The following SPATA6 variants were observed in gnomAD, a reference collection of about 807,000 sequenced individuals.
The protein encoded by SPATA6 is spermatogenesis associated 6.
Under a neutral mutation model 65.3 loss-of-function variants are expected in SPATA6, and 56 were observed. The ratio of observed to expected loss-of-function variants is 0.86; its 90% CI spans 0.69 to 1.07. The LOEUF (loss-of-function observed/expected upper bound fraction) is 1.07, where lower values mean the gene tolerates loss of function less well. Among genes scored for constraint, SPATA6 ranks in the 50% least tolerant of loss-of-function variants. The pLI is 0.00. For synonymous variants in SPATA6, 199 were observed against 213.2 expected (o/e 0.93, Z 0.58); for missense variants, 590 against 594.8 (o/e 0.99, Z 0.08).
chr1:48,314,914 C>T (rs567025121), intron 11 of SPATA6, among the ~76,000 whole-genome samples: 79 of 152,242 alleles, frequency 5.2e-4, no homozygotes, highest in African/African-American at 1.8e-3. Context: ...ACTATAAACA[C>T]CTCTATGCAA....
intron 9 of SPATA6, among the ~76,000 whole-genome samples, chr1:48,377,190 G>A (rs1292834782): frequency 1.3e-5 from 2 of 152,058 alleles, no homozygotes; most frequent in South Asian, 4.2e-4. Flanking sequence ...CTGCAATTCA[G>A]AGTGATATTT....
intron 11 of SPATA6, among the ~76,000 whole-genome samples, chr1:48,314,944 A>C (rs552629311): frequency 6.6e-6 from 1 of 152,350 alleles, no homozygotes; most frequent in East Asian, 1.9e-4. Flanking sequence ...AAAATCTAGA[A>C]TAAATGGATA....
intron 11 of SPATA6, among the ~76,000 whole-genome samples, chr1:48,313,339 T>C (rs1027361627): frequency 8.5e-5 from 13 of 152,166 alleles, no homozygotes; most frequent in Non-Finnish European, 1.5e-4. Flanking sequence ...GACTAACAGC[T>C]GATCTCTTGG....
the SPATA6 span, among the ~76,000 whole-genome samples, chr1:48,289,915 G>C: frequency 6.6e-6 from 1 of 152,150 alleles, no homozygotes; most frequent in Non-Finnish European, 1.5e-5. Flanking sequence ...GAACCAAGTT[G>C]GAAAACACTC....
chr1:48,435,414 A>C (rs191527586), intron 3 of SPATA6, among the ~76,000 whole-genome samples: 19 of 152,066 alleles, frequency 1.2e-4, no homozygotes, highest in African/African-American at 4.6e-4. Flanking sequence ...CGAATGCACC[A>C]ATCAGCACTC....
At chr1:48,380,720 T>C (rs1648463958) in intron 9 of SPATA6, among the ~76,000 whole-genome samples, 1 of 152,216 alleles carries the variant, frequency 6.6e-6, no homozygotes, top group Admixed American at 6.5e-5. Context: ...TGCCATACTG[T>C]GTACATTTGT....
intron 11 of SPATA6, among the ~76,000 whole-genome samples, chr1:48,331,242 A>T (rs12408045): frequency 1.3e-5 from 2 of 152,286 alleles, no homozygotes; most frequent in South Asian, 2.1e-4. Flanking sequence ...GGCTGAAATG[A>T]CAGAAATAGA....
downstream of SPATA6, among the ~76,000 whole-genome samples, chr1:48,293,533 A>C (rs1294391728): frequency 1.3e-5 from 2 of 152,156 alleles, no homozygotes; most frequent in South Asian, 2.1e-4. Context: ...TCTTGTTGGT[A>C]ATACTTCCTT....
At chr1:48,426,084 CA>C (rs941310423) in intron 3 of SPATA6, among the ~76,000 whole-genome samples, 2 of 152,098 alleles carry the variant, frequency 1.3e-5, no homozygotes, top group African/African-American at 4.8e-5. Context: ...ATATAACTGG[CA>C]AATGGCTTGT....
intron 9 of SPATA6, among the ~76,000 whole-genome samples, chr1:48,384,475 T>A (rs1570403943): frequency 1.3e-5 from 2 of 149,676 alleles, no homozygotes; most frequent in Admixed American, 1.4e-4. Context: ...ATCAAGATAC[T>A]TTCACTTAGG....
chr1:48,391,455 T>C (rs1650062422), intron 8 of SPATA6, among the ~76,000 whole-genome samples: 1 of 152,090 alleles, frequency 6.6e-6, no homozygotes, highest in South Asian at 2.1e-4. Flanking sequence ...TCCTGGAAGC[T>C]AGCATTATAT....
chr1:48,313,341 A>T (rs2148673538), intron 11 of SPATA6, among the ~76,000 whole-genome samples: 1 of 152,308 alleles, frequency 6.6e-6, no homozygotes, highest in Non-Finnish European at 1.5e-5. Flanking sequence ...CTAACAGCTG[A>T]TCTCTTGGCA....
chr1:48,437,672 T>C (rs1378218796), intron 3 of SPATA6, among the ~76,000 whole-genome samples: 1 of 152,206 alleles, frequency 6.6e-6, no homozygotes, highest in Non-Finnish European at 1.5e-5. Flanking sequence ...GACCCTTTTC[T>C]GGTAGAGGGA....
chr1:48,469,817 GC>G (rs1452139992), intron 1 of SPATA6, among the ~76,000 whole-genome samples: 138 of 151,504 alleles, frequency 9.1e-4, no homozygotes, highest in African/African-American at 3.3e-3. Flanking sequence ...TGTGGGGGGG[GC>G]GGTCAGGGGC....
intron 3 of SPATA6, among the ~76,000 whole-genome samples, chr1:48,444,332 C>A (rs1299233278): frequency 6.6e-6 from 1 of 151,888 alleles, no homozygotes; most frequent in Non-Finnish European, 1.5e-5. Context: ...TAAAAACGCA[C>A]CAATCAGCAC....
chr1:48,356,170 C>T (rs1470726984), intron 10 of SPATA6, among the ~76,000 whole-genome samples: 2 of 152,168 alleles, frequency 1.3e-5, no homozygotes, highest in South Asian at 2.1e-4. Context: ...CAGAGCAACA[C>T]AGAAGTTAAA....
intron 3 of SPATA6, among the ~76,000 whole-genome samples, chr1:48,425,435 A>G (rs1653745804): frequency 6.6e-6 from 1 of 152,180 alleles, no homozygotes; most frequent in Admixed American, 6.5e-5. Flanking sequence ...ACAAATGTCA[A>G]TAGTCATTGA....
chr1:48,463,435 C>T (rs1176992204), intron 1 of SPATA6, among the ~76,000 whole-genome samples: 3 of 152,070 alleles, frequency 2.0e-5, no homozygotes, highest in Admixed American at 2.0e-4. Context: ...CTAGATAGTT[C>T]ATAAGCTAAA....
chr1:48,422,745 T>A (rs1245105330), intron 3 of SPATA6, among the ~76,000 whole-genome samples: 3 of 152,202 alleles, frequency 2.0e-5, no homozygotes, highest in Non-Finnish European at 2.9e-5. Flanking sequence ...CAATGCCACA[T>A]ATTCAAAATT....
Sources: allele counts gnomAD v4.1 joint callset (sites outside exome capture counted in the v4.1 genomes callset), GRCh38; gene constraint gnomAD v4.1.1; transcripts MANE v1.5; gene names NCBI Gene and HGNC (gene_info 2026-07-23, HGNC 2026-07-21).